Variants in EXOC6B observed in about 807,000 individuals in gnomAD.
EXOC6B encodes exocyst complex component 6B.
Under a neutral mutation model 113.5 loss-of-function variants are expected in EXOC6B, and 54 were observed. That is an observed-to-expected ratio of 0.48 (90% CI 0.38 to 0.60). The LOEUF is 0.60. EXOC6B is among the 20% of genes least tolerant of loss of function. EXOC6B has a pLI of 0.00. For missense variants in EXOC6B, 797 were observed against 977.5 expected (o/e 0.82, Z 2.46); for synonymous variants, 357 against 339.0 (o/e 1.05, Z -0.58).
chr2:72,467,033 T>C (rs1698098623), intron 17 of EXOC6B, among the ~76,000 whole-genome samples: 1 of 152,220 alleles, frequency 6.6e-6, no homozygotes, highest in Non-Finnish European at 1.5e-5. Flanking sequence ...CATTCTATTT[T>C]CTGTTTCTAT....
chr2:72,783,760 T>C (rs1320099394), intron 1 of EXOC6B, among the ~76,000 whole-genome samples: 1 of 152,216 alleles, frequency 6.6e-6, no homozygotes, highest in Non-Finnish European at 1.5e-5. Flanking sequence ...CCTTATTGGA[T>C]GAAGAGTTGC....
chr2:72,208,646 A>G lies in EXOC6B; in HGVS notation c.2197-24459T>C, dbSNP rs893276141. On this transcript the variant is annotated intron_variant, in intron 20 of 21. Transcript: ENST00000272427. ...CAAATGGGAGCTCTGTTTTAAGTTC[A>G]GGTCTCATCTTAACCCTTTTCTAGA... Among the ~76,000 whole-genome samples the G allele has an allele frequency of 2.6e-5, 4 of 152,116 alleles. No individual in the cohort carries two copies. The East Asian group carries it at 7.7e-4, about 29-fold the overall frequency.
At chr2:72,534,877 C>T (rs929301544) in intron 8 of EXOC6B, among the ~76,000 whole-genome samples, 1 of 152,156 alleles carries the variant, frequency 6.6e-6, no homozygotes, top group South Asian at 2.1e-4. Context: ...GTCTCCACTT[C>T]CAGACAAGTG....
At chr2:72,310,439 T>G (rs1261776914) in intron 20 of EXOC6B, among the ~76,000 whole-genome samples, 1 of 152,210 alleles carries the variant, frequency 6.6e-6, no homozygotes, top group African/African-American at 2.4e-5. Flanking sequence ...ATGCTTTCCT[T>G]GAAGAAATGT....
Position 72,378,049 on chromosome 2 carries a change from A to G in EXOC6B, c.2122+1680T>C, listed in dbSNP as rs1197488914. 2.0e-5 allele frequency among the ~76,000 whole-genome samples: 3 copies of G among 152,012 alleles called. No homozygotes were observed. The East Asian group carries it at 5.8e-4, about 29-fold the overall frequency. On this transcript the variant is annotated intron_variant, in intron 19 of 21. Transcript: ENST00000272427. Reference sequence around the variant, plus strand: ...TCTTCTGCGGTCTTACTAAATGCAAAAGATGTTTAGCTGGACTCTTCCATT... The same window carrying G: ...TCTTCTGCGGTCTTACTAAATGCAAGAGATGTTTAGCTGGACTCTTCCATT...
intron 18 of EXOC6B, among the ~76,000 whole-genome samples, chr2:72,452,968 C>T (rs1696998624): frequency 6.6e-6 from 1 of 152,078 alleles, no homozygotes; most frequent in Non-Finnish European, 1.5e-5. Context: ...CTTCTCAGTC[C>T]CCTTGCCTAG....
At chr2:72,610,371 C>T (rs943242404) in intron 6 of EXOC6B, among the ~76,000 whole-genome samples, 8 of 152,164 alleles carry the variant, frequency 5.3e-5, no homozygotes, top group Admixed American at 3.9e-4. Context: ...CTCAGTAGAA[C>T]CAAGTACTCC....
chr2:72,729,412 A>ATT (rs547305397), intron 5 of EXOC6B, among the ~76,000 whole-genome samples: 2,041 of 133,272 alleles, frequency 0.015, 83 homozygotes, highest in African/African-American at 0.054. Flanking sequence ...TACACAGGTG[A>ATT]TTTTTTTTTT....
intron 8 of EXOC6B, among the ~76,000 whole-genome samples, chr2:72,551,825 G>GCATA (rs1386690705): frequency 1.3e-5 from 2 of 152,162 alleles, no homozygotes; most frequent in Non-Finnish European, 2.9e-5. Flanking sequence ...ATAAAAACTA[G>GCATA]CATACACACA....
intron 20 of EXOC6B, among the ~76,000 whole-genome samples, chr2:72,304,262 C>T (rs1036642084): frequency 6.6e-6 from 1 of 152,160 alleles, no homozygotes; most frequent in Non-Finnish European, 1.5e-5. Flanking sequence ...ATACACAATA[C>T]TATAATGAAC....
chr2:72,458,481 G>C (rs1697389955), intron 18 of EXOC6B, among the ~76,000 whole-genome samples: 1 of 152,064 alleles, frequency 6.6e-6, no homozygotes, highest in Non-Finnish European at 1.5e-5. Flanking sequence ...TGTAGCTTCA[G>C]AAAAGTGTAG....
intron 5 of EXOC6B, among the ~76,000 whole-genome samples, chr2:72,729,074 C>T (rs900010268): frequency 3.3e-5 from 5 of 151,924 alleles, no homozygotes; most frequent in Non-Finnish European, 4.4e-5. Context: ...CTTTGTTGAG[C>T]GAATACACAG....
intron 11 of EXOC6B, among the ~76,000 whole-genome samples, chr2:72,508,174 A>AC (rs1700706352): frequency 6.7e-6 from 1 of 149,116 alleles, no homozygotes; most frequent in Non-Finnish European, 1.5e-5. Context: ...AAAAAAAAAA[A>AC]AAAAAAAAAA....
Position 72,332,940 on chromosome 2 carries a change from A to C in EXOC6B, c.2196+2007T>G, listed in dbSNP as rs78615888. 7.9e-3 allele frequency among the ~76,000 whole-genome samples: 1,201 copies of C among 152,190 alleles called. 17 individuals carry two copies. Among genetic ancestry groups the C allele is most frequent in the African/African-American group, 0.028 (1,155 of 41,536 alleles). ...ATGTGGAGAGATCATTTTTTTCACA[A>C]TCACTCAACCTACCTGAGGTCTACT... On this transcript the variant is annotated intron_variant, in intron 20 of 21. Coordinates refer to ENST00000272427, the MANE Select transcript of EXOC6B (RefSeq NM_015189.3).
intron 20 of EXOC6B, among the ~76,000 whole-genome samples, chr2:72,321,646 C>A (rs140228458): frequency 6.6e-6 from 1 of 151,808 alleles, no homozygotes; most frequent in Non-Finnish European, 1.5e-5. Context: ...TCCGTTTATA[C>A]GCATTATTCC....
At chr2:72,502,456 G>A (rs1352136730) in intron 11 of EXOC6B, among the ~76,000 whole-genome samples, 2 of 152,176 alleles carry the variant, frequency 1.3e-5, no homozygotes, top group Non-Finnish European at 2.9e-5. Context: ...GCTGAGGCAC[G>A]AGAATTGCTT....
chr2:72,277,439 A>T (rs1349808972), intron 20 of EXOC6B, among the ~76,000 whole-genome samples: 2 of 152,060 alleles, frequency 1.3e-5, no homozygotes, highest in East Asian at 3.9e-4. Flanking sequence ...TATGCAACAC[A>T]GCTTCAAAGC....
chr2:72,644,416 C>T (rs2104365298), intron 6 of EXOC6B, among the ~76,000 whole-genome samples: 1 of 152,234 alleles, frequency 6.6e-6, no homozygotes, highest in Admixed American at 6.5e-5. Context: ...GGCCAACATT[C>T]AAATTCAGAA....
intron 8 of EXOC6B, among the ~76,000 whole-genome samples, chr2:72,536,529 C>G (rs1702300921): frequency 1.3e-5 from 2 of 152,062 alleles, no homozygotes; most frequent in Non-Finnish European, 2.9e-5. Flanking sequence ...TTTGTTGATA[C>G]AAATTAGATG....
Sources: gnomAD v4.1 joint callset for allele counts (sites outside exome capture counted in the v4.1 genomes callset) on GRCh38, gnomAD v4.1.1 for gene constraint, MANE v1.5 for transcripts, NCBI Gene and HGNC (gene_info 2026-07-23, HGNC 2026-07-21) for gene names.